Variants in DOK4 observed in about 807,000 individuals in gnomAD.
The protein encoded by DOK4 is downstream of tyrosine kinase 4.
DOK4 carries 26 observed loss-of-function variants against 40.1 expected under a neutral mutation model. The ratio of observed to expected loss-of-function variants is 0.65; its 90% CI spans 0.48 to 0.90. The LOEUF is 0.90. DOK4 is among the 40% of genes least tolerant of loss of function. The pLI is 0.00. For missense variants in DOK4, 392 were observed against 437.2 expected, an observed-to-expected ratio of 0.90 and a Z score of 0.92; for synonymous variants, 179 against 177.0, an observed-to-expected ratio of 1.01 and a Z score of -0.09.
At chr16:57,478,871 C>A (rs1404040442) in intron 2 of DOK4, among the ~76,000 whole-genome samples, 6 of 122,470 alleles carry the variant, frequency 4.9e-5, no homozygotes, top group African/African-American at 2.1e-4. Flanking sequence ...CTCACACCAC[C>A]CCGTCTCGCC....
chr16:57,475,088 G>GC lies in DOK4; in HGVS notation c.409+11dup. On this transcript the variant is annotated intron_variant, in intron 5 of 8. Transcript: ENST00000340099. ...CCCCCTCCCCACCCCCAGGGCCAGGGCCCGGCCTCACCTGTCTGTTCACAC... is the reference window on the plus strand; with the variant it reads ...CCCCCTCCCCACCCCCAGGGCCAGGGCCCCGGCCTCACCTGTCTGTTCACAC... 6.2e-7 allele frequency: 1 copy of GC among 1,612,264 alleles called. No individual in the cohort carries two copies. The highest frequency in any genetic ancestry group is 8.5e-7 in the Non-Finnish European group (1 of 1,178,970).
chr16:57,475,765 C>CT lies in DOK4; in HGVS notation c.174+84dup, dbSNP rs1763821880. The CT allele has an allele frequency of 8.1e-5, 92 of 1,132,028 alleles. No homozygotes were observed. In the South Asian group the frequency reaches 1.2e-3, roughly 14 times the overall value. The allele number at this position is 1,132,028 out of a possible 1,614,324, so 70.1% of individuals were successfully genotyped here. A position where few individuals can be genotyped will look rare whatever the true frequency, so the allele number is the denominator to read the frequency against. ...CCCTCTCTCCCCCTTTCTCCCCTCT[C>CT]TCCCTCTCTCCCCTCTCTCCCTCTC... On this transcript the variant is annotated intron_variant, in intron 3 of 8. Transcript: ENST00000340099.
chr16:57,482,080 G>A (rs1253175642), intron 1 of DOK4, among the ~76,000 whole-genome samples: 4 of 152,086 alleles, frequency 2.6e-5, no homozygotes, highest in South Asian at 2.1e-4. Flanking sequence ...TAGCCAGGAT[G>A]GTCTCGATCT....
chr16:57,476,154 A>T (rs1392888744), intron 2 of DOK4, 197 bp from the exon 3 acceptor site: 1 of 585,632 alleles, frequency 1.7e-6, no homozygotes, highest in East Asian at 2.9e-5. Flanking sequence ...CAAATTGAAA[A>T]GTCATTGACT....
At position 57,475,687 on chromosome 16, in the gene DOK4, TCTCTCTCTCC is replaced by T. The variant is rs1453794395; in HGVS notation, c.175-77_175-68del. 24 of 883,078 alleles carry T rather than the reference TCTCTCTCTCC, an allele frequency of 2.7e-5. No homozygotes were observed. The African/African-American group carries it at 3.8e-4, about 14-fold the overall frequency. The allele number at this position is 883,078 out of a possible 1,614,324, so 54.7% of individuals were successfully genotyped here. ...CTCTCTCTCTCTCTCTCTCTCTCTC[TCTCTCTCTCC>T]CTCCCTCCCTCTCTCCCCCCTCCTC... On this transcript the variant is annotated intron_variant, in intron 3 of 8. Coordinates refer to ENST00000340099, the Ensembl canonical transcript of DOK4.
intron 1 of DOK4, among the ~76,000 whole-genome samples, chr16:57,483,279 G>A (rs1441733115): frequency 3.3e-5 from 5 of 152,212 alleles, no homozygotes; most frequent in African/African-American, 1.2e-4. Flanking sequence ...AATGCACTGT[G>A]TTAAGCAAGC....
Position 57,485,813 on chromosome 16 carries a change from G to A in DOK4, c.-182+492C>T, listed in dbSNP as rs1309510525. On this transcript the variant is annotated intron_variant, in intron 1 of 8. Transcript: ENST00000340099. This position sits in a 1 kb window ranked among gnomAD's most constrained non-coding sequence, Gnocchi z 4.3. ...CAGGAGGCAGCTGGCCATGAGTTTG[G>A]GCTGTGGGGAGAAACCCCATAGGCA... Among the ~76,000 whole-genome samples the A allele has an allele frequency of 1.3e-5, 2 of 152,218 alleles. No individual in the cohort carries two copies. The highest frequency in any genetic ancestry group is 4.8e-5 in the African/African-American group (2 of 41,460).
chr16:57,475,705 CCTCT>C, intron 3 of DOK4, 85 bp from the exon 4 acceptor site: 1 of 557,504 alleles, frequency 1.8e-6, no homozygotes, highest in South Asian at 1.8e-5. Context: ...TCCCTCCCTC[CCTCT>C]CTCCCCCCTC....
intron 3 of DOK4, 31 bp from the exon 4 acceptor site, chr16:57,475,651 G>A: frequency 8.1e-7 from 1 of 1,238,376 alleles, no homozygotes; most frequent in Non-Finnish European, 1.1e-6. Context: ...GACTTAGCCA[G>A]GCCAGTGCAT....
At chr16:57,475,765 C>CTCCCTCTCT (rs1233271653) in intron 3 of DOK4, 85 bp downstream of exon 3, 1 of 1,132,028 alleles carries the variant, frequency 8.8e-7, no homozygotes, top group Non-Finnish European at 1.3e-6. Flanking sequence ...TCTCCCCTCT[C>CTCCCTCTCT]TCCCTCTCTC....
chr16:57,479,816 C>T lies in DOK4; in HGVS notation c.-181-128G>A. 7.0e-6 allele frequency: 2 copies of T among 283,978 alleles called. No individual in the cohort carries two copies. The highest frequency in any genetic ancestry group is 1.0e-3 in the Middle Eastern group (1 of 964). 17.6% of individuals were successfully genotyped at this position (283,978 alleles called of 1,614,324 possible). ...TCCCTCTTCCCTCCCTCCTTCCTCC[C>T]GCCCTTCTTCCTTCCCTTCCCTCCC... is the stretch of plus-strand genomic sequence containing the variant. On this transcript the variant is annotated intron_variant, in intron 1 of 8. Coordinates refer to ENST00000340099, the Ensembl canonical transcript of DOK4. This position sits in a 1 kb window ranked among gnomAD's most constrained non-coding sequence, Gnocchi z 5.8.
Position 57,485,985 on chromosome 16 carries a change from G to A in DOK4, c.-182+320C>T, listed in dbSNP as rs1228569088. On this transcript the variant is annotated intron_variant, in intron 1 of 8. Transcript: ENST00000340099. This position sits in a 1 kb window ranked among gnomAD's most constrained non-coding sequence, Gnocchi z 4.3. The stretch of plus-strand genomic sequence containing the variant: ...CCAGGGGCTGGGTTATGCCCCTTCC[G>A]GGGGGGCAGGCCCGGGAGCGCAGGG... 6.6e-6 allele frequency among the ~76,000 whole-genome samples: 1 copy of A among 152,040 alleles called. No individual in the cohort carries two copies. The highest frequency in any genetic ancestry group is 1.5e-5 in the Non-Finnish European group (1 of 67,966).
rs566091727 is a variant in DOK4, at chr16:57,485,148, T to C, written c.-182+1157A>G. 6.6e-6 allele frequency among the ~76,000 whole-genome samples: 1 copy of C among 152,328 alleles called. No individual in the cohort carries two copies. The highest frequency in any genetic ancestry group is 2.4e-5 in the African/African-American group (1 of 41,584). ...TCCTGGGTCTCAGCGCTGACTGGCATGGCCAGCAGGCTGTTGTTACTGGAG... is the reference window on the plus strand; with the variant it reads ...TCCTGGGTCTCAGCGCTGACTGGCACGGCCAGCAGGCTGTTGTTACTGGAG... On this transcript the variant is annotated intron_variant, in intron 1 of 8. Transcript: ENST00000340099. The surrounding 1 kb of genome is among the most constrained non-coding windows in gnomAD (Gnocchi z 4.3).
At chr16:57,477,629 G>A (rs2031238314) in intron 2 of DOK4, among the ~76,000 whole-genome samples, 1 of 152,204 alleles carries the variant, frequency 6.6e-6, no homozygotes, top group South Asian at 2.1e-4. Context: ...ACAGCCCCAG[G>A]GAGCCACGCG....
At position 57,485,639 on chromosome 16, in the gene DOK4, G is replaced by A. The variant is rs1305508423; in HGVS notation, c.-182+666C>T. Among the ~76,000 whole-genome samples the A allele has an allele frequency of 6.6e-6, 1 of 152,184 alleles. No homozygotes were observed. Among genetic ancestry groups the A allele is most frequent in the African/African-American group, 2.4e-5 (1 of 41,446 alleles). On this transcript the variant is annotated intron_variant, in intron 1 of 8. Transcript: ENST00000340099. The surrounding 1 kb of genome is among the most constrained non-coding windows in gnomAD (Gnocchi z 4.3). ...GCTTGGGGCAGGCAGGCTGCACAGA[G>A]CCCCTGCTCTGCCACATCACCCAGG...
Position 57,479,339 on chromosome 16 carries a change from G to C in DOK4, c.66+103C>G. On this transcript the variant is annotated intron_variant, in intron 2 of 8. Coordinates refer to ENST00000340099, the Ensembl canonical transcript of DOK4. The surrounding 1 kb of genome is among the most constrained non-coding windows in gnomAD (Gnocchi z 5.8). ...CACAGATGCACGATGCCCGGCAGCCGGAGGGCAGCCGCGTGCCCCACGCGC... is the reference window on the plus strand; with the variant it reads ...CACAGATGCACGATGCCCGGCAGCCCGAGGGCAGCCGCGTGCCCCACGCGC... The C allele has an allele frequency of 5.3e-6, 7 of 1,311,518 alleles. No homozygotes were observed. Among genetic ancestry groups the C allele is most frequent in the Non-Finnish European group, 7.5e-6 (7 of 937,830 alleles). 81.2% of individuals were successfully genotyped at this position (1,311,518 alleles called of 1,614,324 possible). A position where few individuals can be genotyped will look rare whatever the true frequency, so the allele number is the denominator to read the frequency against.
chr16:57,473,256 G>A, exon 9 of DOK4: 2 of 1,409,304 alleles, frequency 1.4e-6, no homozygotes, highest in Non-Finnish European at 1.9e-6. Context: ...CAAGGAGGGG[G>A]CAGCTTGCTC....
Position 57,474,047 on chromosome 16 carries a change from C to G in DOK4, c.600-8G>C. 1 of 1,613,920 alleles carries G rather than the reference C, an allele frequency of 6.2e-7. No homozygotes were observed. Among genetic ancestry groups the G allele is most frequent in the Non-Finnish European group, 8.5e-7 (1 of 1,179,918 alleles). Reference sequence around the variant, plus strand: ...TCCCCAGCATCACACATCCTGGGGACACAGCACAGAGGGCAAGATGGTGGG... The same window carrying G: ...TCCCCAGCATCACACATCCTGGGGAGACAGCACAGAGGGCAAGATGGTGGG... On this transcript the variant is annotated splice_polypyrimidine_tract_variant and splice_region_variant and intron_variant, in intron 6 of 8. Coordinates refer to ENST00000340099, the Ensembl canonical transcript of DOK4.
exon 9 of DOK4, chr16:57,473,163 A>G (rs1395504333): frequency 1.1e-5 from 7 of 622,642 alleles, no homozygotes; most frequent in Non-Finnish European, 1.9e-5. Context: ...AACAGTATAT[A>G]GTCCCACGGT....
Sources: allele counts gnomAD v4.1 joint callset (sites outside exome capture counted in the v4.1 genomes callset), GRCh38; gene constraint gnomAD v4.1.1; non-coding constraint Gnocchi (gnomAD v3.1); transcripts MANE v1.5; gene names NCBI Gene and HGNC (gene_info 2026-07-23, HGNC 2026-07-21).